Variants in SLC9C1 observed in about 807,000 individuals in gnomAD.
SLC9C1 encodes the protein solute carrier family 9 member C1, also known as sodium/hydrogen exchanger 10.
SLC9C1 carries 97 observed loss-of-function variants against 140.9 expected under a neutral mutation model. The ratio of observed to expected loss-of-function variants is 0.69; its 90% CI spans 0.58 to 0.82. The LOEUF (loss-of-function observed/expected upper bound fraction) is 0.82, where lower values mean the gene tolerates loss of function less well. SLC9C1 is among the 40% of genes least tolerant of loss of function. The pLI is 0.00. For synonymous variants in SLC9C1, 440 were observed against 442.6 expected, an observed-to-expected ratio of 0.99 and a Z score of 0.07; for missense variants, 1,340 against 1,389.3, an observed-to-expected ratio of 0.96 and a Z score of 0.56.
chr3:112,253,295 A>C (rs573658074), intron 10 of SLC9C1, among the ~76,000 whole-genome samples: 1 of 152,274 alleles, frequency 6.6e-6, no homozygotes, highest in East Asian at 1.9e-4. Flanking sequence ...AGATCACACA[A>C]GAGCTGTGGT....
At chr3:112,185,699 C>T in intron 20 of SLC9C1, 3 of 1,545,012 alleles carry the variant, frequency 1.9e-6, no homozygotes, top group Non-Finnish European at 1.7e-6. Flanking sequence ...GCTCGTGCCA[C>T]CACTTGAGCT....
At chr3:112,174,928 T>G (rs2077308691) in intron 23 of SLC9C1, among the ~76,000 whole-genome samples, 1 of 151,940 alleles carries the variant, frequency 6.6e-6, no homozygotes, top group African/African-American at 2.4e-5. Context: ...GTCTGGCCAC[T>G]TTTCTGTGAG....
chr3:112,293,425 A>T (rs553009036), intron 1 of SLC9C1, among the ~76,000 whole-genome samples: 9 of 152,286 alleles, frequency 5.9e-5, no homozygotes, highest in Admixed American at 3.9e-4. Context: ...CATGAACCGT[A>T]AGTCACACTA....
chr3:112,227,197 A>G (rs2078705084), intron 13 of SLC9C1, among the ~76,000 whole-genome samples: 1 of 152,050 alleles, frequency 6.6e-6, no homozygotes, highest in Non-Finnish European at 1.5e-5. Flanking sequence ...GTCTCCCAAG[A>G]AAAAAACATT....
intron 23 of SLC9C1, among the ~76,000 whole-genome samples, chr3:112,179,245 A>G (rs2077394431): frequency 6.6e-6 from 1 of 152,098 alleles, no homozygotes; most frequent in Admixed American, 6.6e-5. Context: ...AAATTATGGT[A>G]TTGACAATTA....
chr3:112,161,871 T>G (rs1039075419), intron 26 of SLC9C1, among the ~76,000 whole-genome samples: 15 of 149,694 alleles, frequency 1.0e-4, no homozygotes, highest in Non-Finnish European at 1.7e-4. Context: ...AGTATGGCCA[T>G]TTTCACGATA....
At chr3:112,250,050 C>T (rs1235520279) in intron 10 of SLC9C1, among the ~76,000 whole-genome samples, 1 of 151,026 alleles carries the variant, frequency 6.6e-6, no homozygotes, top group Non-Finnish European at 1.5e-5. Context: ...TCTCCTAATG[C>T]TATCCCTCCC....
chr3:112,179,442 C>A, intron 23 of SLC9C1, 89 bp downstream of exon 23: 1 of 1,397,684 alleles, frequency 7.2e-7, no homozygotes, highest in Non-Finnish European at 9.6e-7. Flanking sequence ...GTCAACTAGA[C>A]TGTAAACTTA....
At chr3:112,213,226 C>A in intron 15 of SLC9C1, among the ~76,000 whole-genome samples, 1 of 152,170 alleles carries the variant, frequency 6.6e-6, no homozygotes, top group East Asian at 1.9e-4. Flanking sequence ...TGGAAAGGAA[C>A]AACTGGTAGC....
intron 28 of SLC9C1, among the ~76,000 whole-genome samples, chr3:112,150,769 CAT>C (rs199513835): frequency 6.6e-4 from 84 of 126,554 alleles, no homozygotes; most frequent in African/African-American, 1.7e-3. Flanking sequence ...TATAAAAATA[CAT>C]ATATATATAT....
At chr3:112,168,815 C>T (rs920832956) in intron 25 of SLC9C1, 62 bp downstream of exon 25, 18 of 1,400,364 alleles carry the variant, frequency 1.3e-5, no homozygotes, top group Admixed American at 4.7e-5. Flanking sequence ...GTTTTTCTGA[C>T]GTTAATACAT....
chr3:112,285,065 C>A (rs1392129525), intron 2 of SLC9C1, among the ~76,000 whole-genome samples: 3 of 145,104 alleles, frequency 2.1e-5, no homozygotes, highest in Non-Finnish European at 1.5e-5. Flanking sequence ...CGGCTCACTG[C>A]AAGCTCCGCC....
chr3:112,236,884 A>G (rs901090327), intron 12 of SLC9C1, among the ~76,000 whole-genome samples: 1 of 152,222 alleles, frequency 6.6e-6, no homozygotes, highest in Non-Finnish European at 1.5e-5. Flanking sequence ...TTTACTTCCA[A>G]CTATGTGGTC....
chr3:112,188,384 C>T (rs185346099), intron 20 of SLC9C1, among the ~76,000 whole-genome samples: 3 of 136,472 alleles, frequency 2.2e-5, no homozygotes. Context: ...ATCCCTCCCC[C>T]CTCCCCTCAC....
intron 12 of SLC9C1, among the ~76,000 whole-genome samples, chr3:112,237,021 G>C (rs1489601065): frequency 6.6e-6 from 1 of 152,184 alleles, no homozygotes; most frequent in Non-Finnish European, 1.5e-5. Flanking sequence ...GGATATCCTT[G>C]TTAACTTTCT....
At chr3:112,282,925 A>G (rs895975577) in intron 2 of SLC9C1, among the ~76,000 whole-genome samples, 82 of 152,196 alleles carry the variant, frequency 5.4e-4, no homozygotes, top group African/African-American at 1.9e-3. Flanking sequence ...TTAATTTTCT[A>G]TTTTGTAAAT....
At chr3:112,233,724 T>C (rs1348391229) in intron 12 of SLC9C1, among the ~76,000 whole-genome samples, 2 of 149,914 alleles carry the variant, frequency 1.3e-5, no homozygotes, top group South Asian at 2.1e-4. Flanking sequence ...AGTGAGAACA[T>C]GCAGTGTTTG....
chr3:112,175,282 G>A (rs1217163760), intron 23 of SLC9C1, among the ~76,000 whole-genome samples: 1 of 152,162 alleles, frequency 6.6e-6, no homozygotes, highest in African/African-American at 2.4e-5. Flanking sequence ...ATGAGTGGAG[G>A]GTGCGAAACA....
intron 2 of SLC9C1, among the ~76,000 whole-genome samples, chr3:112,282,998 A>G (rs1466196905): frequency 1.3e-5 from 2 of 152,270 alleles, no homozygotes; most frequent in Non-Finnish European, 2.9e-5. Flanking sequence ...AATTTGTGAA[A>G]TAAATGCATT....
Sources: gnomAD v4.1 joint callset for allele counts (sites outside exome capture counted in the v4.1 genomes callset) on GRCh38, gnomAD v4.1.1 for gene constraint, MANE v1.5 for transcripts, NCBI Gene and HGNC (gene_info 2026-07-23, HGNC 2026-07-21) for gene names.